The following MAD1L1 variants were observed in gnomAD, a reference collection of about 807,000 sequenced individuals.
The protein encoded by MAD1L1 is mitotic spindle assembly checkpoint protein MAD1.
MAD1L1 carries 95 observed loss-of-function variants against 96.9 expected under a neutral mutation model. That is an observed-to-expected ratio of 0.98 (90% CI 0.83 to 1.16). The LOEUF (loss-of-function observed/expected upper bound fraction) is 1.16, where lower values mean the gene tolerates loss of function less well. Among genes scored for constraint, MAD1L1 ranks in the 50% most tolerant of loss-of-function variants. The pLI is 0.00. For missense variants in MAD1L1, 1,007 were observed against 954.4 expected, an observed-to-expected ratio of 1.06 and a Z score of -0.73; for synonymous variants, 473 against 396.6, an observed-to-expected ratio of 1.19 and a Z score of -2.29.
intron 11 of MAD1L1, among the ~76,000 whole-genome samples, chr7:2,110,758 C>A (rs1182774321): frequency 1.3e-5 from 2 of 152,194 alleles, no homozygotes; most frequent in African/African-American, 4.8e-5. Flanking sequence ...TATACCGATA[C>A]TCACCGCCTG....
intron 18 of MAD1L1, among the ~76,000 whole-genome samples, chr7:1,854,160 C>T (rs1355102993): frequency 6.6e-6 from 1 of 152,150 alleles, no homozygotes; most frequent in Non-Finnish European, 1.5e-5. Flanking sequence ...GGCACCTCCA[C>T]CCCCGCCCCA....
chr7:2,098,341 A>T (rs569787158), intron 11 of MAD1L1, among the ~76,000 whole-genome samples: 1 of 152,326 alleles, frequency 6.6e-6, no homozygotes, highest in African/African-American at 2.4e-5. Context: ...AGCACACGCC[A>T]CGGGGACCCA....
intron 11 of MAD1L1, among the ~76,000 whole-genome samples, chr7:2,141,786 G>A (rs1789046515): frequency 6.6e-6 from 1 of 152,244 alleles, no homozygotes; most frequent in Non-Finnish European, 1.5e-5. Context: ...GGGCACTGCA[G>A]GCAGGTGCCG....
At chr7:2,009,708 G>A (rs1782203805) in intron 13 of MAD1L1, among the ~76,000 whole-genome samples, 2 of 152,178 alleles carry the variant, frequency 1.3e-5, no homozygotes, top group South Asian at 2.1e-4. Flanking sequence ...CTGATGCAAG[G>A]AAGGCTAGGG....
chr7:2,155,249 A>G (rs2128584163), intron 10 of MAD1L1, among the ~76,000 whole-genome samples: 1 of 152,206 alleles, frequency 6.6e-6, no homozygotes, highest in African/African-American at 2.4e-5. Flanking sequence ...AACCCAAGAC[A>G]AGCACCACAC....
chr7:2,129,552 G>C (rs1401319001), intron 11 of MAD1L1, among the ~76,000 whole-genome samples: 8 of 152,164 alleles, frequency 5.3e-5, no homozygotes, highest in Admixed American at 3.9e-4. Flanking sequence ...GAGGCAGCAG[G>C]ACAGGAACCC....
intron 12 of MAD1L1, among the ~76,000 whole-genome samples, chr7:2,015,244 G>A (rs1280716872): frequency 1.2e-4 from 18 of 152,210 alleles, no homozygotes; most frequent in East Asian, 3.8e-4. Context: ...CAGGGCTCTC[G>A]GGAAGGCTGA....
intron 18 of MAD1L1, among the ~76,000 whole-genome samples, chr7:1,871,706 C>T (rs1583614614): frequency 6.8e-6 from 1 of 147,830 alleles, no homozygotes. Flanking sequence ...ACCTGCCACG[C>T]TGAAGCCAAC....
intron 12 of MAD1L1, among the ~76,000 whole-genome samples, chr7:2,017,595 C>G (rs1415582266): frequency 6.6e-6 from 1 of 152,150 alleles, no homozygotes; most frequent in African/African-American, 2.4e-5. Context: ...ATCTGGGCGC[C>G]CTGGGAGGCA....
At chr7:2,016,527 A>T (rs752266460) in intron 12 of MAD1L1, among the ~76,000 whole-genome samples, 4 of 152,122 alleles carry the variant, frequency 2.6e-5, no homozygotes, top group Non-Finnish European at 4.4e-5. Context: ...GGAGAGACCG[A>T]CCCAGTGCTC....
At chr7:2,221,981 G>A (rs1358715017) in intron 5 of MAD1L1, among the ~76,000 whole-genome samples, 1 of 152,034 alleles carries the variant, frequency 6.6e-6, no homozygotes, top group Admixed American at 6.6e-5. Context: ...ATACATACAT[G>A]AGCGAACACA....
intron 18 of MAD1L1, among the ~76,000 whole-genome samples, chr7:1,871,661 C>A (rs1247752495): frequency 6.6e-6 from 1 of 151,472 alleles, no homozygotes; most frequent in Non-Finnish European, 1.5e-5. Flanking sequence ...CATGCTGAAC[C>A]CAACATACGC....
intron 17 of MAD1L1, among the ~76,000 whole-genome samples, chr7:1,906,691 C>A (rs575162892): frequency 9.8e-5 from 15 of 152,344 alleles, no homozygotes; most frequent in African/African-American, 3.4e-4. Flanking sequence ...CAGGCCTGTG[C>A]GCACTGTCAC....
rs536899820 is a variant in MAD1L1, at chr7:1,992,682, G to A, written c.1416+9383C>T. Among the ~76,000 whole-genome samples, 5 of 152,214 alleles carry A rather than the reference G, an allele frequency of 3.3e-5. No individual in the cohort carries two copies. The East Asian group carries it at 9.6e-4, about 29-fold the overall frequency. On this transcript the variant is annotated intron_variant, in intron 14 of 18. Coordinates refer to ENST00000265854, the MANE Select transcript of MAD1L1 (RefSeq NM_001013836.2). ...ACTGTGGAAGTTAACTCTGCTGGGG[G>A]AGCTTGGGGAAGGCTGTCTGCCAGG...
rs373029162 is a variant in MAD1L1, at chr7:1,898,287, G to A, written c.1911C>T (p.Thr637=). Reference sequence around the variant, plus strand: ...CCGTGGTGATGTCGATCTGGTAGCCGGTGAGCGTGTAGCAGGCCTTGCGGA... The same window carrying A: ...CCGTGGTGATGTCGATCTGGTAGCCAGTGAGCGTGTAGCAGGCCTTGCGGA... The part of the protein sequence containing the change: ...QEFRKACYTL[T]GYQIDITTEN... Residue 637 remains threonine (T), a synonymous_variant, in exon 18 of 19, where the codon ACC becomes ACT. Coordinates refer to ENST00000265854, the MANE Select transcript of MAD1L1 (RefSeq NM_001013836.2). The A allele has an allele frequency of 2.2e-5, 36 of 1,614,152 alleles. No individual in the cohort carries two copies. In the Middle Eastern group the frequency reaches 1.3e-3, roughly 59 times the overall value.
intron 18 of MAD1L1, among the ~76,000 whole-genome samples, chr7:1,833,017 C>G (rs1236932701): frequency 6.6e-6 from 1 of 152,150 alleles, no homozygotes; most frequent in Non-Finnish European, 1.5e-5. Flanking sequence ...ACCATCAAAG[C>G]AAGAACCTCC....
intron 18 of MAD1L1, among the ~76,000 whole-genome samples, chr7:1,889,719 G>A (rs114817115): frequency 0.03 from 4,503 of 152,190 alleles, 210 homozygotes; most frequent in African/African-American, 0.1. Flanking sequence ...CCTGGGCCAC[G>A]TCCCCTCTGC....
Position 1,854,799 on chromosome 7 carries a change from C to T in MAD1L1, c.1999-38571G>A, listed in dbSNP as rs10230847. 7.6e-3 allele frequency among the ~76,000 whole-genome samples: 1,160 copies of T among 152,292 alleles called. 13 individuals carry two copies. The highest frequency in any genetic ancestry group is 0.026 in the African/African-American group (1,097 of 41,558). On this transcript the variant is annotated intron_variant, in intron 18 of 18. Coordinates refer to ENST00000265854, the MANE Select transcript of MAD1L1 (RefSeq NM_001013836.2). ...CTCTCAACCTCACTGGCGTCACATA[C>T]GGGGGAGACAAAGGCAGGACAGGAG...
intron 18 of MAD1L1, among the ~76,000 whole-genome samples, chr7:1,840,715 T>C (rs1290375255): frequency 6.6e-6 from 1 of 152,188 alleles, no homozygotes; most frequent in Non-Finnish European, 1.5e-5. Context: ...GGCAACAGAA[T>C]GAGACTCCAT....
Sources: gnomAD v4.1 joint callset for allele counts (sites outside exome capture counted in the v4.1 genomes callset) on GRCh38, gnomAD v4.1.1 for gene constraint, MANE v1.5 for transcripts, NCBI Gene and HGNC (gene_info 2026-07-23, HGNC 2026-07-21) for gene names.